The following PCDH15 variants were observed in gnomAD, a reference collection of about 807,000 sequenced individuals.
PCDH15 encodes protocadherin-15.
Under a neutral mutation model 178.5 loss-of-function variants are expected in PCDH15, and 129 were observed. The ratio of observed to expected loss-of-function variants is 0.72; its 90% CI spans 0.63 to 0.84. The LOEUF (loss-of-function observed/expected upper bound fraction) is 0.84. Ranked by LOEUF, PCDH15 falls within the 40% of genes least tolerant of loss-of-function variation. The pLI is 0.00. For missense variants in PCDH15, 2,230 were observed against 2,099.9 expected (o/e 1.06, Z -1.21); for synonymous variants, 800 against 732.0 (o/e 1.09, Z -1.50).
intron 19 of PCDH15, among the ~76,000 whole-genome samples, chr10:54,020,762 T>TAA (rs59264647): frequency 2.0e-5 from 3 of 151,662 alleles, no homozygotes; most frequent in South Asian, 4.1e-4. Flanking sequence ...TATATCACAG[T>TAA]AAAAAAATAA....
chr10:54,143,711 T>C (rs921986099), intron 14 of PCDH15, among the ~76,000 whole-genome samples: 6 of 152,178 alleles, frequency 3.9e-5, no homozygotes, highest in Non-Finnish European at 8.8e-5. Flanking sequence ...GATAATTTTT[T>C]AGATCTACTT....
At chr10:54,813,886 T>A (rs1176566178) in intron 3 of PCDH15, among the ~76,000 whole-genome samples, 2 of 152,210 alleles carry the variant, frequency 1.3e-5, no homozygotes, top group Non-Finnish European at 2.9e-5. Context: ...ATACTTCTTT[T>A]CAAAATTTAT....
chr10:55,423,051 T>G (rs1298607347), intron 2 of PCDH15, among the ~76,000 whole-genome samples: 6 of 151,948 alleles, frequency 3.9e-5, no homozygotes, highest in Non-Finnish European at 8.8e-5. Flanking sequence ...TCATGTATCT[T>G]ATTTATACCC....
chr10:55,523,158 C>T (rs531686241), intron 2 of PCDH15, among the ~76,000 whole-genome samples: 63 of 151,318 alleles, frequency 4.2e-4, no homozygotes, highest in Non-Finnish European at 7.2e-4. Context: ...CATTCATATT[C>T]CTCCTAAGAT....
intron 24 of PCDH15, 150 bp from the exon 25 acceptor site, chr10:53,939,105 A>G: frequency 1.4e-6 from 1 of 737,332 alleles, no homozygotes; most frequent in Non-Finnish European, 2.3e-6. Flanking sequence ...GGCTTTTGGA[A>G]ACTGTTCCAG....
chr10:55,021,259 A>G (rs1840319746), intron 2 of PCDH15, among the ~76,000 whole-genome samples: 1 of 152,184 alleles, frequency 6.6e-6, no homozygotes, highest in South Asian at 2.1e-4. Context: ...TCTTTCTGGT[A>G]TTATTTTTCT....
chr10:54,936,651 G>T (rs1329022431), intron 2 of PCDH15, among the ~76,000 whole-genome samples: 1 of 148,370 alleles, frequency 6.7e-6, no homozygotes, highest in Non-Finnish European at 1.5e-5. Context: ...ATAATTCCAT[G>T]TTTTCTTTAG....
intron 20 of PCDH15, among the ~76,000 whole-genome samples, chr10:54,000,725 T>C (rs1220636562): frequency 6.6e-6 from 1 of 152,014 alleles, no homozygotes; most frequent in East Asian, 1.9e-4. Context: ...GTAAGTGTTA[T>C]TGGCATTAAA....
chr10:54,109,084 GGCTATGGGAGAGACTCCTTCT>G (rs1172472323), intron 15 of PCDH15, among the ~76,000 whole-genome samples: 10 of 152,152 alleles, frequency 6.6e-5, no homozygotes, highest in African/African-American at 2.4e-4. Flanking sequence ...CAGCTGTGGT[GGCTATGGGAGAGACTCCTTCT>G]GCTTGAGAAA....
In PCDH15 at chr10:53,971,811, A is replaced by G. The variant is rs536285020; in HGVS notation, c.2869-9919T>C. Among the ~76,000 whole-genome samples the G allele has an allele frequency of 1.4e-3, 219 of 152,354 alleles. 1 individual carries two copies. Among genetic ancestry groups the G allele is most frequent in the African/African-American group, 4.9e-3 (205 of 41,576 alleles). ...AGAGGACACAAACAAATGGAAGAAC[A>G]TTCCATGCTCATGGATACGAAGAAT... On this transcript the variant is annotated intron_variant, in intron 21 of 37. Coordinates refer to ENST00000644397, the MANE Select transcript of PCDH15 (RefSeq NM_001384140.1).
At chr10:54,154,412 A>G (rs1051539332) in intron 13 of PCDH15, among the ~76,000 whole-genome samples, 1 of 152,166 alleles carries the variant, frequency 6.6e-6, no homozygotes, top group Admixed American at 6.5e-5. Context: ...ACTTATATTT[A>G]TATTTTCAAT....
At chr10:55,439,410 T>C (rs747835739) in intron 2 of PCDH15, among the ~76,000 whole-genome samples, 4 of 152,072 alleles carry the variant, frequency 2.6e-5, no homozygotes, top group Admixed American at 6.6e-5. Context: ...ATTAACATTG[T>C]GCGCAAGAGC....
At chr10:54,608,445 G>GATA (rs1025496728) in intron 2 of PCDH15, among the ~76,000 whole-genome samples, 54 of 151,708 alleles carry the variant, frequency 3.6e-4, no homozygotes, top group African/African-American at 1.1e-3. Context: ...CATCACTACA[G>GATA]ATAATAATAA....
intron 2 of PCDH15, among the ~76,000 whole-genome samples, chr10:55,138,665 T>C (rs1838269094): frequency 6.6e-6 from 1 of 152,084 alleles, no homozygotes; most frequent in Non-Finnish European, 1.5e-5. Flanking sequence ...ACTGCAATGA[T>C]TTAAGGTATC....
chr10:55,123,322 A>G lies in PCDH15; in HGVS notation c.-80+43254T>C, dbSNP rs577894151. On this transcript the variant is annotated intron_variant, in intron 2 of 5. Transcript: ENST00000458638. ...TCTCAACATTTCATTTTTTAAAGAT[A>G]CTATCCACTTTTCTGGATTTAAATT... is the stretch of plus-strand genomic sequence containing the variant. Among the ~76,000 whole-genome samples the G allele has an allele frequency of 9.2e-5, 14 of 152,252 alleles. No individual in the cohort carries two copies. The South Asian group carries it at 2.9e-3, about 32-fold the overall frequency.
intron 3 of PCDH15, among the ~76,000 whole-genome samples, chr10:54,839,888 C>T (rs1313126506): frequency 6.6e-6 from 1 of 151,832 alleles, no homozygotes; most frequent in Non-Finnish European, 1.5e-5. Flanking sequence ...AAAAAAAAAT[C>T]TTGCCAACCA....
At chr10:54,428,754 A>G (rs367844892) in intron 3 of PCDH15, among the ~76,000 whole-genome samples, 1 of 152,374 alleles carries the variant, frequency 6.6e-6, no homozygotes. Context: ...GCAGATTTTC[A>G]GTGGAAACCT....
intron 13 of PCDH15, among the ~76,000 whole-genome samples, chr10:54,165,932 T>C (rs1399181491): frequency 6.6e-6 from 1 of 151,942 alleles, no homozygotes; most frequent in African/African-American, 2.4e-5. Flanking sequence ...GAGAAACCTA[T>C]CTTTAAATGA....
chr10:53,904,569 GT>G (rs1378280493), intron 25 of PCDH15, among the ~76,000 whole-genome samples: 6 of 149,268 alleles, frequency 4.0e-5, no homozygotes. Flanking sequence ...GCTTTTCTCT[GT>G]TTGTCATCTG....
Sources: gnomAD v4.1 joint callset for allele counts (sites outside exome capture counted in the v4.1 genomes callset) on GRCh38, gnomAD v4.1.1 for gene constraint, MANE v1.5 for transcripts, NCBI Gene and HGNC (gene_info 2026-07-23, HGNC 2026-07-21) for gene names.